UBE2F: variants seen among roughly 807,000 people sequenced by gnomAD.
The protein encoded by UBE2F is ubiquitin conjugating enzyme E2 F (putative).
UBE2F carries 5 observed loss-of-function variants against 29.6 expected under a neutral mutation model. The observed-to-expected ratio is 0.17, with a 90% CI of 0.09 to 0.36. UBE2F has a LOEUF of 0.36. Ranked by LOEUF, UBE2F falls within the 10% of genes least tolerant of loss-of-function variation. The pLI is 1.00. For missense variants in UBE2F, 141 were observed against 228.5 expected (o/e 0.62, Z 2.47); for synonymous variants, 66 against 81.8 (o/e 0.81, Z 1.04).
chr2:238,041,360 C>A lies in UBE2F; in HGVS notation c.*22C>A. ...ATGATAAAAGGGGACGATTGCAGGC[C>A]CATGGACTGTGTTACAGTTTGTCTC... On this transcript the variant is annotated 3_prime_UTR_variant, in exon 10 of 10. Transcript: ENST00000272930. 3 of 1,613,060 alleles carry A rather than the reference C, an allele frequency of 1.9e-6. No homozygotes were observed. Among genetic ancestry groups the A allele is most frequent in the Non-Finnish European group, 2.5e-6 (3 of 1,179,412 alleles).
In UBE2F at chr2:238,025,329, CT is replaced by C; in HGVS notation, c.283-12del. On this transcript the variant is annotated splice_polypyrimidine_tract_variant and intron_variant, in intron 5 of 9. Transcript: ENST00000272930. ...CTGTCGGCGTGATCTCTCTCATTGT[CT>C]CTGTGTTGCAGCCTCCCAAAGTGAA... 6.2e-7 allele frequency: 1 copy of C among 1,612,978 alleles called. No individual in the cohort carries two copies. The highest frequency in any genetic ancestry group is 1.1e-5 in the South Asian group (1 of 91,028).
At chr2:238,024,200 A>G (rs546386097) in intron 5 of UBE2F, among the ~76,000 whole-genome samples, 5 of 152,310 alleles carry the variant, frequency 3.3e-5, no homozygotes, top group Admixed American at 2.6e-4. Context: ...ATTTTGATGG[A>G]GTGTATATAT....
chr2:238,015,486 T>G (rs1466381611), intron 4 of UBE2F, among the ~76,000 whole-genome samples: 7 of 152,166 alleles, frequency 4.6e-5, no homozygotes, highest in African/African-American at 1.7e-4. Context: ...GGTATTTCTC[T>G]TCTATCAAAT....
intron 4 of UBE2F, among the ~76,000 whole-genome samples, chr2:238,015,567 C>T (rs1245306971): frequency 1.3e-5 from 2 of 151,274 alleles, no homozygotes; most frequent in East Asian, 1.9e-4. Flanking sequence ...AATGTTGATA[C>T]GGTCTCAACT....
chr2:238,031,478 T>C lies in UBE2F; in HGVS notation c.412-744T>C, dbSNP rs538762228. 2.0e-3 allele frequency among the ~76,000 whole-genome samples: 298 copies of C among 152,122 alleles called. 1 individual carries two copies. Among genetic ancestry groups the C allele is most frequent in the African/African-American group, 6.9e-3 (285 of 41,522 alleles). ...ACTCCAACCCTAGGCCTGGCTCACA[T>C]CGGAAGGTCAGGGATGGGTGGGTGG... On this transcript the variant is annotated intron_variant, in intron 7 of 9. Transcript: ENST00000272930.
At chr2:238,018,658 C>G (rs1232055495) in intron 5 of UBE2F, among the ~76,000 whole-genome samples, 1 of 152,258 alleles carries the variant, frequency 6.6e-6, no homozygotes, top group Non-Finnish European at 1.5e-5. Context: ...CACCAGCTCC[C>G]GGGTTCAAGC....
chr2:237,983,735 C>A (rs2063423812), intron 2 of UBE2F, among the ~76,000 whole-genome samples: 1 of 152,170 alleles, frequency 6.6e-6, no homozygotes, highest in Non-Finnish European at 1.5e-5. Flanking sequence ...TCTCTTCCTG[C>A]TTTCCTGCTG....
chr2:238,015,525 G>C (rs2064131369), intron 4 of UBE2F, among the ~76,000 whole-genome samples: 1 of 151,844 alleles, frequency 6.6e-6, no homozygotes, highest in Admixed American at 6.6e-5. Flanking sequence ...TTAGGGTCCA[G>C]GTAATGCCAG....
At chr2:238,025,897 C>T (rs2064415943) in intron 6 of UBE2F, among the ~76,000 whole-genome samples, 1 of 152,220 alleles carries the variant, frequency 6.6e-6, no homozygotes, top group Admixed American at 6.5e-5. Context: ...TTAGGGCAGG[C>T]AGCCTCTCGG....
In UBE2F at chr2:238,030,631, A is replaced by C. The variant is rs532696614; in HGVS notation, c.411+18A>C. ...CATTAAAGGTAGAGTCTGTGCCTTG[A>C]TCTTGATCATAAGTTGTCCCTGTGG... is the stretch of plus-strand genomic sequence containing the variant. On this transcript the variant is annotated intron_variant, in intron 7 of 9. Coordinates refer to ENST00000272930, the MANE Select transcript of UBE2F (RefSeq NM_080678.3). 6 of 1,605,506 alleles carry C rather than the reference A, an allele frequency of 3.7e-6. No homozygotes were observed. Among genetic ancestry groups the C allele is most frequent in the Non-Finnish European group, 5.1e-6 (6 of 1,172,730 alleles).
intron 6 of UBE2F, among the ~76,000 whole-genome samples, chr2:238,027,398 A>T (rs1463452644): frequency 6.6e-6 from 1 of 152,186 alleles, no homozygotes; most frequent in African/African-American, 2.4e-5. Context: ...GGAGATGTTC[A>T]CTCTCATCAG....
intron 4 of UBE2F, among the ~76,000 whole-genome samples, chr2:238,013,107 T>C (rs1291782142): frequency 1.3e-5 from 2 of 151,848 alleles, no homozygotes; most frequent in Non-Finnish European, 2.9e-5. Flanking sequence ...TGAGACCCCA[T>C]CTCTACAAAA....
intron 4 of UBE2F, among the ~76,000 whole-genome samples, chr2:238,005,585 G>A (rs2063883183): frequency 7.0e-6 from 1 of 143,260 alleles, no homozygotes; most frequent in East Asian, 2.1e-4. Flanking sequence ...TATTATACAA[G>A]AGAAGAGTGT....
At chr2:237,972,453 C>T (rs1225492960) in intron 1 of UBE2F, among the ~76,000 whole-genome samples, 1 of 152,196 alleles carries the variant, frequency 6.6e-6, no homozygotes, top group African/African-American at 2.4e-5. Context: ...CCACCCTAGA[C>T]CTTGTGTTCC....
At position 238,041,184 on chromosome 2, in the gene UBE2F, G is replaced by A. The variant is rs1576649419; in HGVS notation, c.508-104G>A. On this transcript the variant is annotated intron_variant, in intron 9 of 9. Transcript: ENST00000272930. ...CCTTCTACCACCTTGGCGACCACAG[G>A]GGACCTTGGTGCTGGTGGATCTGAC... is the stretch of plus-strand genomic sequence containing the variant. 3 of 1,142,768 alleles carry A rather than the reference G, an allele frequency of 2.6e-6. No individual in the cohort carries two copies. The South Asian group carries it at 3.9e-5, about 15-fold the overall frequency. 70.8% of individuals were successfully genotyped at this position (1,142,768 alleles called of 1,614,324 possible).
chr2:238,001,985 C>G (rs2063803994), intron 4 of UBE2F, among the ~76,000 whole-genome samples: 1 of 152,038 alleles, frequency 6.6e-6, no homozygotes, highest in Non-Finnish European at 1.5e-5. Flanking sequence ...TTTGCTATCC[C>G]CATCATGTTT....
At chr2:237,991,660 T>C (rs1195739119) in intron 3 of UBE2F, among the ~76,000 whole-genome samples, 1 of 130,006 alleles carries the variant, frequency 7.7e-6, no homozygotes, top group Non-Finnish European at 1.6e-5. Flanking sequence ...TGGAATGCAG[T>C]GGCGCGATCT....
At chr2:237,984,560 C>T (rs988458770) in intron 2 of UBE2F, among the ~76,000 whole-genome samples, 2 of 152,184 alleles carry the variant, frequency 1.3e-5, no homozygotes, top group African/African-American at 4.8e-5. Flanking sequence ...CAAAACCCAA[C>T]TCAGAAACTT....
At chr2:237,989,644 C>T (rs558196442) in intron 3 of UBE2F, among the ~76,000 whole-genome samples, 12 of 151,892 alleles carry the variant, frequency 7.9e-5, no homozygotes, top group Non-Finnish European at 1.5e-4. Context: ...TGAGCCACTG[C>T]GCCCAGCCAA....
Sources: allele counts gnomAD v4.1 joint callset (sites outside exome capture counted in the v4.1 genomes callset), GRCh38; gene constraint gnomAD v4.1.1; transcripts MANE v1.5; gene names NCBI Gene and HGNC (gene_info 2026-07-23, HGNC 2026-07-21).